FOXP2: variants seen among roughly 807,000 people sequenced by gnomAD.
FOXP2 encodes forkhead box protein P2.
A neutral mutation model predicts 115.8 loss-of-function variants in FOXP2; 12 were observed. The observed-to-expected ratio is 0.10, with a 90% CI of 0.07 to 0.17. FOXP2 has a LOEUF of 0.17. Among genes scored for constraint, FOXP2 ranks in the 10% least tolerant of loss-of-function variants. FOXP2 has a pLI of 1.00. For missense variants in FOXP2, 629 were observed against 843.5 expected (o/e 0.75, Z 3.15); for synonymous variants, 328 against 297.7 (o/e 1.10, Z -1.05).
In FOXP2 at chr7:114,285,038, G is replaced by T. The variant is rs920846330; in HGVS notation, c.-101-2981G>T. ...ACTGCGGCCTACCAAAGGGTTGAGG[G>T]TGGGAGGAGGGGGAGGATTAGAAAA... On this transcript the variant is annotated intron_variant, in intron 1 of 17. Transcript: ENST00000634411. 2.0e-5 allele frequency among the ~76,000 whole-genome samples: 3 copies of T among 152,230 alleles called. No individual in the cohort carries two copies. The East Asian group carries it at 5.8e-4, about 29-fold the overall frequency.
At chr7:114,182,054 G>T (rs968115674) in intron 1 of FOXP2, among the ~76,000 whole-genome samples, 5 of 151,866 alleles carry the variant, frequency 3.3e-5, no homozygotes, top group African/African-American at 1.2e-4. Context: ...ATGCATTTGT[G>T]CCTTATTCCC....
chr7:114,222,575 A>G (rs189142092), intron 1 of FOXP2, among the ~76,000 whole-genome samples: 5 of 152,240 alleles, frequency 3.3e-5, no homozygotes, highest in Admixed American at 3.3e-4. Context: ...AAATCTCTTC[A>G]CTTTCTGTGG....
intron 3 of FOXP2, among the ~76,000 whole-genome samples, chr7:114,573,668 CA>C (rs1434564497): frequency 1.3e-5 from 2 of 151,612 alleles, no homozygotes; most frequent in South Asian, 4.1e-4. Context: ...ACATACAAGC[CA>C]AAATTTTCAG....
intron 2 of FOXP2, among the ~76,000 whole-genome samples, chr7:114,392,617 T>C (rs1186215689): frequency 6.6e-6 from 1 of 152,146 alleles, no homozygotes; most frequent in South Asian, 2.1e-4. Context: ...AATAATGAGC[T>C]TCCTTCCCAT....
chr7:114,099,522 C>A (rs1183098311), intron 1 of FOXP2, among the ~76,000 whole-genome samples: 1 of 152,148 alleles, frequency 6.6e-6, no homozygotes, highest in Non-Finnish European at 1.5e-5. Flanking sequence ...CTCTTCTAGG[C>A]ATATACCCAA....
intron 2 of FOXP2, among the ~76,000 whole-genome samples, chr7:114,516,137 T>A (rs1798331409): frequency 6.6e-6 from 1 of 152,164 alleles, no homozygotes; most frequent in Non-Finnish European, 1.5e-5. Flanking sequence ...GCTGAAGGCA[T>A]CATGCTACCT....
At chr7:114,626,163 T>C (rs1804569252) in intron 3 of FOXP2, among the ~76,000 whole-genome samples, 1 of 151,834 alleles carries the variant, frequency 6.6e-6, no homozygotes, top group Admixed American at 6.6e-5. Context: ...ACTCAAACCA[T>C]TTTAGGAGTA....
chr7:114,266,033 T>G (rs969266691), intron 1 of FOXP2, among the ~76,000 whole-genome samples: 1 of 151,924 alleles, frequency 6.6e-6, no homozygotes, highest in Non-Finnish European at 1.5e-5. Context: ...AATGCCCTAG[T>G]AGCTTTTTGT....
chr7:114,131,954 C>T (rs2129145369), intron 1 of FOXP2, among the ~76,000 whole-genome samples: 1 of 152,202 alleles, frequency 6.6e-6, no homozygotes, highest in Admixed American at 6.5e-5. Context: ...GGAAAGCAAG[C>T]TCATTACTTT....
chr7:114,400,131 T>A (rs1733064553), intron 2 of FOXP2, among the ~76,000 whole-genome samples: 1 of 152,182 alleles, frequency 6.6e-6, no homozygotes, highest in Admixed American at 6.5e-5. Flanking sequence ...GTGCTAGGAT[T>A]ACAGGTGTGA....
intron 1 of FOXP2, among the ~76,000 whole-genome samples, chr7:114,175,793 C>T (rs1291492174): frequency 1.3e-5 from 2 of 152,148 alleles, no homozygotes; most frequent in African/African-American, 4.8e-5. Context: ...TAACGATTCT[C>T]TTCCCTGTAG....
At position 114,346,145 on chromosome 7, in the gene FOXP2, T is replaced by C. The variant is rs566140131; in HGVS notation, c.-11+58036T>C. On this transcript the variant is annotated intron_variant, in intron 2 of 17. Transcript: ENST00000634411. ...GTAGACAGTCATATACATGTAAAAT[T>C]TTTAGTTTAAAATAATTTATCAGGA... Among the ~76,000 whole-genome samples, 271 of 151,950 alleles carry C rather than the reference T, an allele frequency of 1.8e-3. 1 individual carries two copies. The highest frequency in any genetic ancestry group is 6.3e-3 in the African/African-American group (263 of 41,532).
At chr7:114,472,277 A>G (rs540184639) in intron 2 of FOXP2, among the ~76,000 whole-genome samples, 11 of 151,994 alleles carry the variant, frequency 7.2e-5, no homozygotes, top group African/African-American at 2.7e-4. Context: ...ATAACTTCAT[A>G]TGGGGTATTT....
intron 3 of FOXP2, among the ~76,000 whole-genome samples, chr7:114,609,451 TAG>T (rs1377156469): frequency 6.6e-6 from 1 of 152,162 alleles, no homozygotes; most frequent in Non-Finnish European, 1.5e-5. Context: ...AACATGAATA[TAG>T]TGTACTATAT....
intron 2 of FOXP2, among the ~76,000 whole-genome samples, chr7:114,505,220 A>G (rs1478862422): frequency 6.6e-6 from 1 of 151,572 alleles, no homozygotes; most frequent in Non-Finnish European, 1.5e-5. Context: ...AAGGAATCAA[A>G]TTGTTTTCAA....
intron 2 of FOXP2, among the ~76,000 whole-genome samples, chr7:114,462,875 C>G (rs778646372): frequency 6.6e-6 from 1 of 152,156 alleles, no homozygotes; most frequent in African/African-American, 2.4e-5. Context: ...TAACTATAAT[C>G]ATTAAGTCCT....
intron 2 of FOXP2, among the ~76,000 whole-genome samples, chr7:114,301,290 A>C (rs1180249025): frequency 1.3e-5 from 2 of 152,152 alleles, no homozygotes; most frequent in Admixed American, 6.6e-5. Flanking sequence ...TAAGAATATA[A>C]AAATACCTTT....
chr7:114,546,420 C>T (rs1306576729), intron 3 of FOXP2, among the ~76,000 whole-genome samples: 2 of 152,216 alleles, frequency 1.3e-5, no homozygotes, highest in Non-Finnish European at 2.9e-5. Flanking sequence ...TGACTTAATC[C>T]TTACTGCTCT....
chr7:114,228,348 C>A (rs1328824006), intron 1 of FOXP2, among the ~76,000 whole-genome samples: 1 of 151,972 alleles, frequency 6.6e-6, no homozygotes, highest in Admixed American at 6.6e-5. Flanking sequence ...CTGGTGCCCT[C>A]AATTGGTGCC....
Sources: allele counts gnomAD v4.1 joint callset (sites outside exome capture counted in the v4.1 genomes callset), GRCh38; gene constraint gnomAD v4.1.1; transcripts MANE v1.5; gene names NCBI Gene and HGNC (gene_info 2026-07-23, HGNC 2026-07-21).